Variants in STAC observed in about 807,000 individuals in gnomAD.
STAC encodes SH3 and cysteine rich domain.
Under a neutral mutation model 48.8 loss-of-function variants are expected in STAC, and 43 were observed. That is an observed-to-expected ratio of 0.88 (90% CI 0.69 to 1.14). STAC has a LOEUF of 1.14. Among genes scored for constraint, STAC ranks in the 50% most tolerant of loss-of-function variants. The pLI is 0.00. For missense variants in STAC, 497 were observed against 504.0 expected (o/e 0.99, Z 0.13); for synonymous variants, 193 against 179.5 (o/e 1.07, Z -0.60).
chr3:36,390,137 C>G (rs1699719164), intron 1 of STAC, among the ~76,000 whole-genome samples: 1 of 152,078 alleles, frequency 6.6e-6, no homozygotes, highest in Non-Finnish European at 1.5e-5. Flanking sequence ...TGACAGGTGG[C>G]CTTAGCTCTC....
intron 6 of STAC, among the ~76,000 whole-genome samples, chr3:36,503,432 T>G (rs1006387081): frequency 6.6e-6 from 1 of 152,042 alleles, no homozygotes; most frequent in Admixed American, 6.6e-5. Context: ...TGTTTTTTTG[T>G]TTTTGTTTTT....
chr3:36,386,371 G>C (rs890293272), intron 1 of STAC, among the ~76,000 whole-genome samples: 1 of 150,382 alleles, frequency 6.6e-6, no homozygotes, highest in African/African-American at 2.4e-5. Flanking sequence ...AGAACGTTGA[G>C]AGAAAAAATG....
chr3:36,501,489 A>G (rs1316192262), intron 6 of STAC, among the ~76,000 whole-genome samples: 1 of 152,266 alleles, frequency 6.6e-6, no homozygotes, highest in East Asian at 1.9e-4. Flanking sequence ...GATTGAAAAG[A>G]AAACCAAAGA....
chr3:36,538,770 A>T (rs539358993), intron 10 of STAC, among the ~76,000 whole-genome samples: 3 of 152,298 alleles, frequency 2.0e-5, no homozygotes, highest in African/African-American at 4.8e-5. Context: ...TTTATCTCAT[A>T]TATATAGGGC....
intron 8 of STAC, among the ~76,000 whole-genome samples, chr3:36,518,273 T>TGCA (rs1698721888): frequency 6.6e-6 from 1 of 152,198 alleles, no homozygotes; most frequent in Admixed American, 6.5e-5. Flanking sequence ...AAATAAAAGA[T>TGCA]TTAAAGGTTT....
chr3:36,463,232 T>G (rs1315607244), intron 2 of STAC, among the ~76,000 whole-genome samples: 1 of 152,200 alleles, frequency 6.6e-6, no homozygotes, highest in Non-Finnish European at 1.5e-5. Context: ...TCTCAATGAT[T>G]TGATAAAAAG....
At chr3:36,465,117 C>A (rs919760086) in intron 2 of STAC, among the ~76,000 whole-genome samples, 3 of 152,146 alleles carry the variant, frequency 2.0e-5, no homozygotes, top group African/African-American at 7.2e-5. Flanking sequence ...ACATCCATAC[C>A]AACATCTATT....
At chr3:36,501,944 T>A (rs991209497) in intron 6 of STAC, among the ~76,000 whole-genome samples, 1 of 152,182 alleles carries the variant, frequency 6.6e-6, no homozygotes, top group African/African-American at 2.4e-5. Context: ...AAAGTATTTT[T>A]AAAAGACATT....
At chr3:36,511,381 G>A (rs1429923201) in intron 8 of STAC, among the ~76,000 whole-genome samples, 4 of 152,088 alleles carry the variant, frequency 2.6e-5, no homozygotes, top group Admixed American at 2.6e-4. Context: ...TTTATAATGT[G>A]GTGTTCACTG....
At chr3:36,386,321 CTTA>C (rs1468160901) in intron 1 of STAC, among the ~76,000 whole-genome samples, 1 of 150,806 alleles carries the variant, frequency 6.6e-6, no homozygotes. Flanking sequence ...TTATTTGCTT[CTTA>C]TTAATTTGTA....
intron 10 of STAC, among the ~76,000 whole-genome samples, chr3:36,532,125 C>T (rs1699087018): frequency 6.6e-6 from 1 of 152,132 alleles, no homozygotes; most frequent in Admixed American, 6.5e-5. Flanking sequence ...CACACATCAC[C>T]ATATCCAACA....
At chr3:36,484,242 G>A (rs1429489408) in intron 3 of STAC, among the ~76,000 whole-genome samples, 2 of 152,192 alleles carry the variant, frequency 1.3e-5, no homozygotes, top group Non-Finnish European at 2.9e-5. Flanking sequence ...CACTGACAGT[G>A]TAACGACAAG....
chr3:36,537,903 C>A (rs568496133), intron 10 of STAC, among the ~76,000 whole-genome samples: 1 of 151,346 alleles, frequency 6.6e-6, no homozygotes, highest in Admixed American at 6.6e-5. Context: ...AGTTTTATTG[C>A]ACCTATAGAA....
intron 10 of STAC, among the ~76,000 whole-genome samples, chr3:36,545,658 G>A (rs1033640310): frequency 6.6e-6 from 1 of 152,176 alleles, no homozygotes; most frequent in African/African-American, 2.4e-5. Flanking sequence ...TTAAAGTCTA[G>A]CATAGGTGGC....
Position 36,483,099 on chromosome 3 carries a change from G to T in STAC, c.489+7G>T. The T allele has an allele frequency of 6.2e-7, 1 of 1,610,200 alleles. No homozygotes were observed. Among genetic ancestry groups the T allele is most frequent in the Non-Finnish European group, 8.5e-7 (1 of 1,176,522 alleles). On this transcript the variant is annotated splice_region_variant and intron_variant, in intron 3 of 10. Transcript: ENST00000273183. Reference sequence around the variant, plus strand: ...GCGGTGCATGGGCAAGCTGGTAAGGGCTTGTGCCAGGAGTGAGGCCCACAC... The same window carrying T: ...GCGGTGCATGGGCAAGCTGGTAAGGTCTTGTGCCAGGAGTGAGGCCCACAC...
chr3:36,429,090 T>C (rs1700630632), intron 1 of STAC, among the ~76,000 whole-genome samples: 1 of 152,156 alleles, frequency 6.6e-6, no homozygotes, highest in East Asian at 1.9e-4. Flanking sequence ...CATTGACTAA[T>C]GTATTGGCTA....
At chr3:36,385,844 T>C (rs1363297204) in intron 1 of STAC, among the ~76,000 whole-genome samples, 2 of 152,126 alleles carry the variant, frequency 1.3e-5, no homozygotes, top group Non-Finnish European at 2.9e-5. Context: ...TTTATTACCA[T>C]ATAACATTCC....
chr3:36,500,200 T>C (rs1036944791), intron 6 of STAC, among the ~76,000 whole-genome samples: 1 of 152,120 alleles, frequency 6.6e-6, no homozygotes, highest in Non-Finnish European at 1.5e-5. Context: ...ATGTAACAAG[T>C]AGAAGATGCA....
At position 36,486,130 on chromosome 3, in the gene STAC, G is replaced by T; in HGVS notation, c.572-4G>T. ...CCTCAGATGAACTTTCTCTTCTGTT[G>T]CAGCCTGTGGCAATAAGGTGGACCC... On this transcript the variant is annotated splice_region_variant and splice_polypyrimidine_tract_variant and intron_variant, in intron 4 of 10. Coordinates refer to ENST00000273183, the MANE Select transcript of STAC (RefSeq NM_003149.3). 1 of 1,610,676 alleles carries T rather than the reference G, an allele frequency of 6.2e-7. No individual in the cohort carries two copies.
Sources: allele counts gnomAD v4.1 joint callset (sites outside exome capture counted in the v4.1 genomes callset), GRCh38; gene constraint gnomAD v4.1.1; transcripts MANE v1.5; gene names NCBI Gene and HGNC (gene_info 2026-07-23, HGNC 2026-07-21).